Variants in GALNT2 observed in about 807,000 individuals in gnomAD.
GALNT2 encodes the protein polypeptide N-acetylgalactosaminyltransferase 2.
GALNT2 carries 31 observed loss-of-function variants against 81.4 expected under a neutral mutation model. That is an observed-to-expected ratio of 0.38 (90% CI 0.29 to 0.51). The LOEUF is 0.51. Among genes scored for constraint, GALNT2 ranks in the 20% least tolerant of loss-of-function variants. GALNT2 has a pLI of 0.87. For synonymous variants in GALNT2, 303 were observed against 287.4 expected (o/e 1.05, Z -0.55); for missense variants, 629 against 765.7 (o/e 0.82, Z 2.11).
intron 1 of GALNT2, chr1:230,092,097 A>C (rs1344791511): frequency 6.6e-6 from 1 of 152,102 alleles, no homozygotes; most frequent in Non-Finnish European, 1.5e-5. Context: ...AACATTCTTT[A>C]GTAATCAGTC....
At chr1:230,109,283 C>T (rs1051064344) in intron 1 of GALNT2, among the ~76,000 whole-genome samples, 14 of 152,132 alleles carry the variant, frequency 9.2e-5, no homozygotes, top group African/African-American at 3.4e-4. Flanking sequence ...GGTGGGGTGG[C>T]GGCTGCAGCA....
chr1:230,255,485 A>C (rs1254185590), intron 11 of GALNT2, 141 bp downstream of exon 11: 3 of 1,152,556 alleles, frequency 2.6e-6, no homozygotes, highest in South Asian at 2.9e-5. Flanking sequence ...AGCAATTGAA[A>C]GGCGCATTCC....
chr1:230,244,289 T>G (rs1665297699), intron 7 of GALNT2, among the ~76,000 whole-genome samples: 1 of 152,132 alleles, frequency 6.6e-6, no homozygotes, highest in Admixed American at 6.5e-5. Flanking sequence ...TTACCTGTAA[T>G]GCACTTGTTA....
intron 3 of GALNT2, among the ~76,000 whole-genome samples, chr1:230,210,721 A>G (rs142842174): frequency 9.2e-4 from 140 of 152,354 alleles, no homozygotes; most frequent in Non-Finnish European, 1.4e-3. Flanking sequence ...GCCAAAACAT[A>G]GGTCAAAGCT....
At position 230,183,128 on chromosome 1, in the gene GALNT2, C is replaced by T. The variant is rs564295160; in HGVS notation, c.220+4817C>T. 3.3e-5 allele frequency among the ~76,000 whole-genome samples: 5 copies of T among 152,112 alleles called. No individual in the cohort carries two copies. The South Asian group carries it at 8.3e-4, about 25-fold the overall frequency. On this transcript the variant is annotated intron_variant, in intron 2 of 15. Transcript: ENST00000366672. ...AGATCTAACTTTTCTTGGTAAAGGCCATTCTTTATCATTTTACTTTTAATC... is the reference window on the plus strand; with the variant it reads ...AGATCTAACTTTTCTTGGTAAAGGCTATTCTTTATCATTTTACTTTTAATC...
intron 1 of GALNT2, among the ~76,000 whole-genome samples, chr1:230,149,624 C>T (rs375748223): frequency 2.6e-5 from 4 of 152,064 alleles, no homozygotes; most frequent in East Asian, 1.9e-4. Flanking sequence ...GGTTTGTGTG[C>T]GTCCTGCCAC....
In GALNT2 at chr1:230,279,619, C is replaced by T. The variant is rs907234223; in HGVS notation, c.*161C>T. On this transcript the variant is annotated 3_prime_UTR_variant, in exon 16 of 16. Transcript: ENST00000366672. This position sits in a 1 kb window ranked among gnomAD's most constrained non-coding sequence, Gnocchi z 4.6. ...CTTCGGCAAGGCACGGACGACTGTGCAGACACAGCAGCGGCAAGAAGCGAG... is the reference window on the plus strand; with the variant it reads ...CTTCGGCAAGGCACGGACGACTGTGTAGACACAGCAGCGGCAAGAAGCGAG... 6.8e-5 allele frequency: 59 copies of T among 865,648 alleles called. No individual in the cohort carries two copies. Among genetic ancestry groups the T allele is most frequent in the African/African-American group, 1.0e-4 (6 of 58,902 alleles). 53.6% of individuals were successfully genotyped at this position (865,648 alleles called of 1,614,324 possible).
At chr1:230,194,985 T>G (rs1291621712) in intron 2 of GALNT2, among the ~76,000 whole-genome samples, 2 of 152,174 alleles carry the variant, frequency 1.3e-5, no homozygotes, top group Non-Finnish European at 2.9e-5. Flanking sequence ...GCCTGCCCGT[T>G]CCCATTGGGC....
intron 3 of GALNT2, among the ~76,000 whole-genome samples, chr1:230,220,464 C>T (rs539337117): frequency 6.6e-6 from 1 of 151,906 alleles, no homozygotes; most frequent in Non-Finnish European, 1.5e-5. Flanking sequence ...TTGAAACTCC[C>T]GGGATGGTCT....
At chr1:230,064,495 G>A (rs1291764857), upstream of GALNT2, among the ~76,000 whole-genome samples, 1 of 152,126 alleles carries the variant, frequency 6.6e-6, no homozygotes, top group Non-Finnish European at 1.5e-5. Flanking sequence ...TGACACTTGA[G>A]GGCTGGGTAT....
chr1:230,145,285 A>C (rs1661880361), intron 1 of GALNT2, among the ~76,000 whole-genome samples: 1 of 152,168 alleles, frequency 6.6e-6, no homozygotes. Context: ...AGCGTCTCAG[A>C]AATCTGCACT....
chr1:230,207,047 T>C (rs1664078053), intron 3 of GALNT2, among the ~76,000 whole-genome samples: 1 of 151,796 alleles, frequency 6.6e-6, no homozygotes, highest in Admixed American at 6.6e-5. Context: ...CCACACACTG[T>C]GTATTTTACT....
chr1:230,249,131 G>A (rs1665463421), intron 8 of GALNT2, 53 bp from the exon 9 acceptor site: 1 of 1,490,234 alleles, frequency 6.7e-7, no homozygotes, highest in Non-Finnish European at 9.4e-7. Flanking sequence ...GGGGGTGTCG[G>A]GAGGAAGTGG....
intron 3 of GALNT2, among the ~76,000 whole-genome samples, chr1:230,214,163 A>G (rs371061058): frequency 4.3e-4 from 65 of 150,006 alleles, no homozygotes; most frequent in African/African-American, 1.6e-3. Flanking sequence ...CCCAGGCTGG[A>G]GTGCAGTGGT....
intron 1 of GALNT2, among the ~76,000 whole-genome samples, chr1:230,067,684 C>T (rs1236625815): frequency 6.6e-6 from 1 of 152,084 alleles, no homozygotes; most frequent in African/African-American, 2.4e-5. Flanking sequence ...CGAGTCTTGT[C>T]CGGCCGCCGG....
At chr1:230,167,579 A>T (rs1014574606) in intron 1 of GALNT2, among the ~76,000 whole-genome samples, 2 of 152,248 alleles carry the variant, frequency 1.3e-5, no homozygotes, top group African/African-American at 2.4e-5. Context: ...GACAAGGAGC[A>T]TTGCACTTTA....
intron 8 of GALNT2, among the ~76,000 whole-genome samples, chr1:230,248,399 A>C (rs573586445): frequency 2.4e-4 from 36 of 152,328 alleles, no homozygotes; most frequent in African/African-American, 8.7e-4. Context: ...TTTGCCAAGA[A>C]GTGGCCTCCT....
chr1:230,119,185 A>C (rs923132316), intron 1 of GALNT2, among the ~76,000 whole-genome samples: 5 of 152,200 alleles, frequency 3.3e-5, no homozygotes, highest in Non-Finnish European at 7.3e-5. Flanking sequence ...TGGTTGATTC[A>C]TACAACCTCT....
chr1:230,185,913 G>A (rs1408488893), intron 2 of GALNT2, among the ~76,000 whole-genome samples: 3 of 152,144 alleles, frequency 2.0e-5, no homozygotes, highest in Non-Finnish European at 4.4e-5. Context: ...CCCCCGTAGT[G>A]GATCTTCAGG....
Sources: allele counts gnomAD v4.1 joint callset (sites outside exome capture counted in the v4.1 genomes callset), GRCh38; gene constraint gnomAD v4.1.1; non-coding constraint Gnocchi (gnomAD v3.1); transcripts MANE v1.5; gene names NCBI Gene and HGNC (gene_info 2026-07-23, HGNC 2026-07-21).